The following ZSWIM6 variants were observed in gnomAD, a reference collection of about 807,000 sequenced individuals.
ZSWIM6 encodes zinc finger SWIM domain-containing protein 6.
ZSWIM6 carries 9 observed loss-of-function variants against 113.2 expected under a neutral mutation model. That is an observed-to-expected ratio of 0.08 (90% confidence interval 0.05 to 0.14). The LOEUF (loss-of-function observed/expected upper bound fraction) is 0.14. ZSWIM6 is among the 10% of genes least tolerant of loss of function. The pLI, the probability that ZSWIM6 is intolerant of heterozygous loss-of-function variation, is 1.00. For missense variants in ZSWIM6, 1,162 were observed against 1,552.2 expected (o/e 0.75, Z 4.22); for synonymous variants, 611 against 606.5 (o/e 1.01, Z -0.11).
Position 61,541,880 on chromosome 5 carries a change from A to G in ZSWIM6, c.2704-4A>G, listed in dbSNP as rs1222318902. On this transcript the variant is annotated splice_region_variant and splice_polypyrimidine_tract_variant and intron_variant, in intron 12 of 13. Transcript: ENST00000252744. ...TAAAACATTTTGTTACCCTGTTTTT[A>G]TAGGTTATGCGAATGACACTGTCAA... The G allele has an allele frequency of 6.6e-7, 1 of 1,524,078 alleles. No homozygotes were observed. Among genetic ancestry groups the G allele is most frequent in the African/African-American group, 1.4e-5 (1 of 71,632 alleles). The allele number at this position is 1,524,078 out of a possible 1,614,324, so 94.4% of individuals were successfully genotyped here.
chr5:61,487,821 G>C (rs1199626168), intron 2 of ZSWIM6, among the ~76,000 whole-genome samples: 3 of 151,984 alleles, frequency 2.0e-5, no homozygotes, highest in Admixed American at 2.0e-4. Flanking sequence ...TATCATCCGT[G>C]AACAGGGATA....
intron 1 of ZSWIM6, among the ~76,000 whole-genome samples, chr5:61,342,712 A>T (rs1222941960): frequency 1.3e-5 from 2 of 152,220 alleles, no homozygotes; most frequent in African/African-American, 4.8e-5. Context: ...GGATTTATTT[A>T]AAAATCATAA....
At chr5:61,363,108 C>A (rs1256206983) in intron 1 of ZSWIM6, among the ~76,000 whole-genome samples, 1 of 152,176 alleles carries the variant, frequency 6.6e-6, no homozygotes, top group Non-Finnish European at 1.5e-5. Flanking sequence ...TTGTAGGGAG[C>A]CAGCTTACAT....
chr5:61,472,126 A>T lies in ZSWIM6; in HGVS notation c.677-555A>T, dbSNP rs1561251436. 6.6e-6 allele frequency among the ~76,000 whole-genome samples: 1 copy of T among 152,224 alleles called. No individual in the cohort carries two copies. The highest frequency in any genetic ancestry group is 1.5e-5 in the Non-Finnish European group (1 of 68,044). The stretch of plus-strand genomic sequence containing the variant: ...ATACATTATGCATGTTGCAGAAAGG[A>T]TTGTCAAATTTAAAAATTTATCTGA... On this transcript the variant is annotated intron_variant, in intron 1 of 13. Transcript: ENST00000252744. This position sits in a 1 kb window ranked among gnomAD's most constrained non-coding sequence, Gnocchi z 4.1.
chr5:61,403,347 C>T (rs1318758627), intron 1 of ZSWIM6, among the ~76,000 whole-genome samples: 2 of 152,146 alleles, frequency 1.3e-5, no homozygotes, highest in Non-Finnish European at 2.9e-5. Context: ...CTCTTAAAGC[C>T]ATGTTGTTTA....
chr5:61,441,425 C>T (rs901282839), intron 1 of ZSWIM6, among the ~76,000 whole-genome samples: 2 of 152,144 alleles, frequency 1.3e-5, no homozygotes, highest in Non-Finnish European at 2.9e-5. Flanking sequence ...GCTTAATAAG[C>T]TCAATCTTTG....
chr5:61,435,891 T>A (rs1746695383), intron 1 of ZSWIM6, among the ~76,000 whole-genome samples: 1 of 152,236 alleles, frequency 6.6e-6, no homozygotes, highest in South Asian at 2.1e-4. Context: ...GATGAGCAAT[T>A]TGTTATAATT....
rs1749265374 is a variant in ZSWIM6, at chr5:61,525,941, C to G, written c.1655C>G (p.Ser552Cys). 1 of 1,552,024 alleles carries G rather than the reference C, an allele frequency of 6.4e-7. No homozygotes were observed. The highest frequency in any genetic ancestry group is 1.4e-5 in the African/African-American group (1 of 73,030). Residue 552 changes from serine (S) to cysteine (C), a missense_variant, in exon 6 of 14, where the codon TCC becomes TGC. Ser to Cys is a moderately radical substitution (Grantham distance 112). This residue lies in a region of ZSWIM6 where 620 missense variants were observed against 804.6 expected (regional missense o/e 0.77). Coordinates refer to ENST00000252744, the MANE Select transcript of ZSWIM6 (RefSeq NM_020928.2). ...TGTTACCATGACGACACTGAAAACT[C>G]CCTCTTCGACTCCCGCGGGTGGCCC... is the stretch of plus-strand genomic sequence containing the variant. ...NYCYHDDTEN[S>C]LFDSRGWPLW...
intron 1 of ZSWIM6, 44 bp downstream of exon 1, chr5:61,332,992 C>T: frequency 1.2e-6 from 1 of 814,532 alleles, no homozygotes; most frequent in Non-Finnish European, 1.6e-6. Flanking sequence ...GTCCGTCAGT[C>T]CCTGGGTGGG....
intron 1 of ZSWIM6, among the ~76,000 whole-genome samples, chr5:61,372,658 C>T (rs1745289519): frequency 6.6e-6 from 1 of 152,198 alleles, no homozygotes; most frequent in South Asian, 2.1e-4. Context: ...CAAGTGTTCA[C>T]TTCTCCTGAG....
intron 1 of ZSWIM6, among the ~76,000 whole-genome samples, chr5:61,360,254 C>T (rs1267353309): frequency 6.6e-6 from 1 of 152,174 alleles, no homozygotes; most frequent in South Asian, 2.1e-4. Flanking sequence ...CCTTTTCTTT[C>T]TCTCACCTTG....
rs574176049 is a variant in ZSWIM6, at chr5:61,447,796, A to T, written c.677-24885A>T. On this transcript the variant is annotated intron_variant, in intron 1 of 13. Coordinates refer to ENST00000252744, the MANE Select transcript of ZSWIM6 (RefSeq NM_020928.2). ...ACTGAGACAGTGAGTATTGCCAGGG[A>T]ATAAGGTTTTACTCAGGTGCTGCAG... is the stretch of plus-strand genomic sequence containing the variant. Among the ~76,000 whole-genome samples, 6 of 152,304 alleles carry T rather than the reference A, an allele frequency of 3.9e-5. No homozygotes were observed. The South Asian group carries it at 1.2e-3, about 32-fold the overall frequency.
intron 1 of ZSWIM6, among the ~76,000 whole-genome samples, chr5:61,369,078 A>G (rs150767814): frequency 2.0e-5 from 3 of 152,368 alleles, no homozygotes; most frequent in East Asian, 3.9e-4. Context: ...TTTAAACTAT[A>G]GAGTGTTTAC....
chr5:61,367,668 T>C (rs533609838), intron 1 of ZSWIM6, among the ~76,000 whole-genome samples: 1 of 152,302 alleles, frequency 6.6e-6, no homozygotes, highest in South Asian at 2.1e-4. Context: ...GAGTCTATGC[T>C]TTCTCCATTA....
chr5:61,439,017 T>G (rs566779242), intron 1 of ZSWIM6, among the ~76,000 whole-genome samples: 6 of 152,342 alleles, frequency 3.9e-5, no homozygotes, highest in African/African-American at 1.2e-4. Flanking sequence ...CAGAATTTGT[T>G]GACTGGACTG....
At chr5:61,517,870 G>GTGCC (rs1431867582) in intron 4 of ZSWIM6, among the ~76,000 whole-genome samples, 5 of 150,570 alleles carry the variant, frequency 3.3e-5, no homozygotes, top group Admixed American at 2.6e-4. Flanking sequence ...ATGTATACAT[G>GTGCC]TGCCATGCTG....
chr5:61,393,504 A>T (rs1477217697), intron 1 of ZSWIM6, among the ~76,000 whole-genome samples: 1 of 152,166 alleles, frequency 6.6e-6, no homozygotes, highest in Non-Finnish European at 1.5e-5. Flanking sequence ...GTTATGCTTT[A>T]TAGGAATATA....
At chr5:61,371,415 T>C (rs1267764726) in intron 1 of ZSWIM6, among the ~76,000 whole-genome samples, 1 of 152,230 alleles carries the variant, frequency 6.6e-6, no homozygotes, top group East Asian at 1.9e-4. Flanking sequence ...TATTGGGTAA[T>C]GATGTTTAAA....
At position 61,538,856 on chromosome 5, in the gene ZSWIM6, C is replaced by T. The variant is rs1749650833; in HGVS notation, c.2424C>T (p.Thr808=). ...LESTAPSGDL[T]RPHHIASVVP... The stretch of plus-strand genomic sequence containing the variant: ...CTACTGCTCCATCAGGAGACCTCAC[C>T]CGCCCACACCACATTGCATCAGTTG... Residue 808 remains threonine, a synonymous_variant, in exon 11 of 14, where the codon ACC becomes ACT. Coordinates refer to ENST00000252744, the MANE Select transcript of ZSWIM6 (RefSeq NM_020928.2). 1.3e-6 allele frequency: 2 copies of T among 1,552,226 alleles called. No individual in the cohort carries two copies. Among genetic ancestry groups the T allele is most frequent in the Admixed American group, 3.9e-5 (2 of 51,010 alleles).
Sources: allele counts gnomAD v4.1 joint callset (sites outside exome capture counted in the v4.1 genomes callset), GRCh38; gene constraint gnomAD v4.1.1; regional missense constraint gnomAD v4.1.1; non-coding constraint Gnocchi (gnomAD v3.1); transcripts MANE v1.5; gene names NCBI Gene and HGNC (gene_info 2026-07-23, HGNC 2026-07-21).